STPG2: variants seen among roughly 807,000 people sequenced by gnomAD.
The protein encoded by STPG2 is sperm tail PG-rich repeat containing 2.
Under a neutral mutation model 54.2 loss-of-function variants are expected in STPG2, and 56 were observed. That is an observed-to-expected ratio of 1.03 (90% CI 0.83 to 1.29). The LOEUF is 1.29. Among genes scored for constraint, STPG2 ranks in the 50% most tolerant of loss-of-function variants. The probability of loss-of-function intolerance (pLI) is 0.00; values close to 1 mark genes in which losing one functional copy is unlikely to be tolerated. For synonymous variants in STPG2, 200 were observed against 181.8 expected (o/e 1.10, Z -0.81); for missense variants, 596 against 544.9 (o/e 1.09, Z -0.93).
At chr4:97,673,538 A>C (rs1260440901) in intron 10 of STPG2, among the ~76,000 whole-genome samples, 2 of 152,170 alleles carry the variant, frequency 1.3e-5, no homozygotes, top group Non-Finnish European at 2.9e-5. Context: ...TTATTCACTC[A>C]GGGCTTGTCT....
rs574686891 is a variant in STPG2 at position 97,637,898 on chromosome 4, C to G, written c.1320+74801G>C. Among the ~76,000 whole-genome samples, 983 of 152,002 alleles carry G rather than the reference C, an allele frequency of 6.5e-3. 14 individuals are homozygous for G. Among genetic ancestry groups the G allele is most frequent in the South Asian group, 0.016 (78 of 4,796 alleles). On this transcript the variant is annotated intron_variant, in intron 10 of 10. Transcript: ENST00000295268. ...GCTCATGGGTAGGAAGAATCAATATCGTGAAAATGGCCATACTGCCCAAGG... is the reference window on the plus strand; with the variant it reads ...GCTCATGGGTAGGAAGAATCAATATGGTGAAAATGGCCATACTGCCCAAGG...
intron 4 of STPG2, among the ~76,000 whole-genome samples, chr4:97,518,974 T>C (rs1317164726): frequency 6.6e-6 from 1 of 152,122 alleles, no homozygotes; most frequent in Non-Finnish European, 1.5e-5. Context: ...CACTTTCTTC[T>C]TATTCTATGA....
At chr4:97,464,900 GA>G (rs1408048057) in intron 4 of STPG2, among the ~76,000 whole-genome samples, 2 of 152,184 alleles carry the variant, frequency 1.3e-5, no homozygotes, top group Admixed American at 6.5e-5. Flanking sequence ...AAAAAGTCAT[GA>G]TTTTTTTCTG....
intron 8 of STPG2, among the ~76,000 whole-genome samples, chr4:97,875,434 A>G (rs892268973): frequency 2.0e-4 from 18 of 88,408 alleles, no homozygotes; most frequent in African/African-American, 5.4e-4. Context: ...AGGAAAAAAA[A>G]CACACTGGGA....
chr4:97,498,107 G>A (rs1730648942), intron 4 of STPG2, among the ~76,000 whole-genome samples: 1 of 151,798 alleles, frequency 6.6e-6, no homozygotes, highest in African/African-American at 2.4e-5. Flanking sequence ...TGTGATTAGG[G>A]CATTTGTTTT....
intron 8 of STPG2, among the ~76,000 whole-genome samples, chr4:97,942,728 C>A (rs1733037458): frequency 6.6e-6 from 1 of 152,048 alleles, no homozygotes; most frequent in Non-Finnish European, 1.5e-5. Context: ...AGTTATTTTA[C>A]AATCAAAAAT....
At chr4:97,801,268 G>A (rs536577227) in intron 9 of STPG2, among the ~76,000 whole-genome samples, 6 of 152,252 alleles carry the variant, frequency 3.9e-5, no homozygotes, top group African/African-American at 7.2e-5. Context: ...CGTCTTCTGC[G>A]TTGCTCACGC....
Position 97,750,778 on chromosome 4 carries a change from A to G in STPG2, c.1205-37964T>C, listed in dbSNP as rs1302717725. On this transcript the variant is annotated intron_variant, in intron 9 of 10. Transcript: ENST00000295268. The stretch of plus-strand genomic sequence containing the variant: ...AGAAGCAGAGAGAAAAGAAAAGAAG[A>G]GAGACTTAGGATAATCTCTTGAAGC... Among the ~76,000 whole-genome samples, 3 of 151,774 alleles carry G rather than the reference A, an allele frequency of 2.0e-5. No homozygotes were observed. The Admixed American group carries it at 2.0e-4, about 10-fold the overall frequency.
At chr4:98,113,803 A>C (rs1739427057) in intron 3 of STPG2, among the ~76,000 whole-genome samples, 1 of 151,998 alleles carries the variant, frequency 6.6e-6, no homozygotes, top group South Asian at 2.1e-4. Context: ...CTATCCCACA[A>C]ATCTCTGCAA....
intron 10 of STPG2, among the ~76,000 whole-genome samples, chr4:97,618,247 T>G (rs1733923042): frequency 6.6e-6 from 1 of 152,116 alleles, no homozygotes; most frequent in African/African-American, 2.4e-5. Context: ...TTGGGAAGCT[T>G]CCTCTGGTAA....
At chr4:97,567,463 C>T (rs993435837) in intron 10 of STPG2, among the ~76,000 whole-genome samples, 29 of 149,560 alleles carry the variant, frequency 1.9e-4, no homozygotes, top group African/African-American at 6.4e-4. Flanking sequence ...TATATATATT[C>T]CCTTTCTCCC....
intron 4 of STPG2, among the ~76,000 whole-genome samples, chr4:97,441,851 A>C (rs1729090354): frequency 6.6e-6 from 1 of 152,046 alleles, no homozygotes. Context: ...TAGTGAGTCT[A>C]ATAAGATAAA....
chr4:98,078,516 T>C (rs1263187094), intron 5 of STPG2, among the ~76,000 whole-genome samples: 1 of 151,550 alleles, frequency 6.6e-6, no homozygotes, highest in Non-Finnish European at 1.5e-5. Context: ...TATATACAAG[T>C]GGCTGGCACT....
chr4:97,607,291 C>T (rs1409015793), intron 10 of STPG2, among the ~76,000 whole-genome samples: 1 of 151,930 alleles, frequency 6.6e-6, no homozygotes, highest in African/African-American at 2.4e-5. Flanking sequence ...TTCTCTGCAA[C>T]TGTTTCTCTC....
chr4:97,581,727 C>A (rs553331545), intron 10 of STPG2, among the ~76,000 whole-genome samples: 23 of 152,138 alleles, frequency 1.5e-4, no homozygotes, highest in African/African-American at 5.3e-4. Flanking sequence ...TGCTCTGAAA[C>A]CAGATCCTTG....
At chr4:97,952,854 C>T (rs936063517) in intron 7 of STPG2, among the ~76,000 whole-genome samples, 7 of 152,140 alleles carry the variant, frequency 4.6e-5, no homozygotes, top group African/African-American at 1.2e-4. Context: ...AGGTCATGCA[C>T]AAGTTTTCTC....
chr4:97,965,060 G>C (rs1202258181), intron 7 of STPG2, among the ~76,000 whole-genome samples: 1 of 152,204 alleles, frequency 6.6e-6, no homozygotes. Flanking sequence ...GGAAGCGCAA[G>C]AGGTTGAGGG....
chr4:97,595,686 A>G (rs1272074948), intron 10 of STPG2, among the ~76,000 whole-genome samples: 1 of 152,194 alleles, frequency 6.6e-6, no homozygotes, highest in South Asian at 2.1e-4. Context: ...TAAGCAAAGG[A>G]CAAAAAAGAT....
intron 10 of STPG2, among the ~76,000 whole-genome samples, chr4:97,567,956 GA>G (rs775182195): frequency 1.3e-5 from 2 of 152,128 alleles, no homozygotes; most frequent in African/African-American, 2.4e-5. Context: ...GAACCAGGTG[GA>G]AAAGGTTGGA....
Sources: allele counts gnomAD v4.1 joint callset (sites outside exome capture counted in the v4.1 genomes callset), GRCh38; gene constraint gnomAD v4.1.1; transcripts MANE v1.5; gene names NCBI Gene and HGNC (gene_info 2026-07-23, HGNC 2026-07-21).